The following EP400 variants were observed in gnomAD, a reference collection of about 807,000 sequenced individuals.
EP400 encodes the protein E1A-binding protein p400.
In EP400, 105 loss-of-function variants were observed where a neutral mutation model predicts 354.1. The ratio of observed to expected loss-of-function variants is 0.30; its 90% CI spans 0.25 to 0.35. The LOEUF (loss-of-function observed/expected upper bound fraction) is 0.35, where lower values mean the gene tolerates loss of function less well. Among genes scored for constraint, EP400 ranks in the 10% least tolerant of loss-of-function variants. The pLI is 1.00. For missense variants in EP400, 3,280 were observed against 4,121.0 expected (o/e 0.80, Z 5.59); for synonymous variants, 1,646 against 1,716.9 (o/e 0.96, Z 1.02).
intron 30 of EP400, among the ~76,000 whole-genome samples, chr12:132,035,015 A>G (rs564177381): frequency 6.6e-6 from 1 of 152,314 alleles, no homozygotes; most frequent in East Asian, 1.9e-4. Context: ...TTCTCAGTGC[A>G]AGTAAAGAGT....
chr12:132,065,038 A>G, intron 48 of EP400, 152 bp downstream of exon 48: 1 of 1,354,100 alleles, frequency 7.4e-7, no homozygotes. Context: ...TGGACAGAGG[A>G]CGGGACTCAC....
At position 132,075,705 on chromosome 12, in the gene EP400, T is replaced by C. The variant is rs1012487822; in HGVS notation, c.9022-811T>C. 8 of 152,316 alleles carry C rather than the reference T, an allele frequency of 5.3e-5. No individual in the cohort carries two copies. Among genetic ancestry groups the C allele is most frequent in the African/African-American group, 1.9e-4 (8 of 41,472 alleles). The allele number at this position is 152,316 out of a possible 1,614,324, so 9.4% of individuals were successfully genotyped here. On this transcript the variant is annotated intron_variant, in intron 51 of 52. Coordinates refer to ENST00000389561, the MANE Select transcript of EP400 (RefSeq NM_015409.5). The surrounding 1 kb of genome is among the most constrained non-coding windows in gnomAD (Gnocchi z 4.5). Reference sequence around the variant, plus strand: ...CCTTTGTTCATGTGTGAGTAAATCATGTAATTTCACATATTTCGCAGAATA... The same window carrying C: ...CCTTTGTTCATGTGTGAGTAAATCACGTAATTTCACATATTTCGCAGAATA...
chr12:132,053,107 C>T lies in EP400; in HGVS notation c.7395-39C>T, dbSNP rs910650135. ...TACGTGGTACTTGTCTGTCTTAAAA[C>T]TTGCCTGTATGTTTTTAACCTTTGC... On this transcript the variant is annotated intron_variant, in intron 41 of 52. Transcript: ENST00000389561. 4 of 1,608,508 alleles carry T rather than the reference C, an allele frequency of 2.5e-6. No individual in the cohort carries two copies. In the South Asian group the frequency reaches 3.3e-5, roughly 13 times the overall value.
chr12:131,991,588 T>G, intron 10 of EP400, 132 bp downstream of exon 10: 3 of 894,130 alleles, frequency 3.4e-6, no homozygotes, highest in Non-Finnish European at 5.1e-6. Flanking sequence ...TTTTTTTTTT[T>G]TTTTGTTTTA....
At chr12:132,006,617 G>A (rs1893590908) in intron 14 of EP400, 83 bp from the exon 15 acceptor site, 2 of 1,353,618 alleles carry the variant, frequency 1.5e-6, no homozygotes, top group South Asian at 1.4e-5. Flanking sequence ...GGTTTATCAT[G>A]TGACTGTTGA....
intron 7 of EP400, 126 bp from the exon 8 acceptor site, chr12:131,989,838 G>A: frequency 6.6e-6 from 7 of 1,058,888 alleles, no homozygotes; most frequent in African/African-American, 1.6e-5. Context: ...AAGAGCATAC[G>A]AGGATGTATA....
rs1177651994 is a variant in EP400 at position 132,054,813 on chromosome 12, G to C, written c.7729-161G>C. 1.3e-5 allele frequency among the ~76,000 whole-genome samples: 2 copies of C among 152,090 alleles called. No homozygotes were observed. Among genetic ancestry groups the C allele is most frequent in the East Asian group, 3.9e-4 (2 of 5,188 alleles). On this transcript the variant is annotated intron_variant, in intron 43 of 52. Coordinates refer to ENST00000389561, the MANE Select transcript of EP400 (RefSeq NM_015409.5). This position sits in a 1 kb window ranked among gnomAD's most constrained non-coding sequence, Gnocchi z 4.0. ...GAGGGACAGCAGGTAGACAGAGGGT[G>C]GGGGCACCGCCAGGTGGAATGAGCT...
rs201941549 is a variant in EP400 at position 132,055,174 on chromosome 12, G to T, written c.7850G>T (p.Arg2617Leu). The T allele has an allele frequency of 3.2e-6, 5 of 1,581,846 alleles. No homozygotes were observed. Among genetic ancestry groups the T allele is most frequent in the Admixed American group, 1.8e-5 (1 of 54,154 alleles). Reference protein sequence around the residue: ...PAATFQSINKRLASPVAPGAL... With the variant: ...PAATFQSINKLLASPVAPGAL... ...GCCACCTTCCAGTCCATCAACAAGC[G>T]CCTGGCGTCGCCAGTGGCTCCTGGG... The change falls in exon 45 of 53, where the codon CGC becomes CTC. Residue 2617 changes from arginine (R) to leucine (L), a missense_variant. Transcript: ENST00000389561.
In EP400 at chr12:131,992,217, G is replaced by A; in HGVS notation, c.2724G>A (p.Leu908=). The part of the protein sequence containing the change: ...SGRKRKASIS[L]TDDEVDDEEE... The stretch of plus-strand genomic sequence containing the variant: ...GAAAAAGAAAAGCTAGCATATCTTT[G>A]ACTGATGACGAAGGTCTGTTCCCCC... Residue 908 remains leucine, a synonymous_variant, in exon 11 of 53, where the codon TTG becomes TTA. Coordinates refer to ENST00000389561, the MANE Select transcript of EP400 (RefSeq NM_015409.5). 6.2e-7 allele frequency: 1 copy of A among 1,610,328 alleles called. No individual in the cohort carries two copies.
intron 30 of EP400, among the ~76,000 whole-genome samples, chr12:132,033,368 ACTT>A (rs1048704145): frequency 1.1e-4 from 17 of 152,284 alleles, no homozygotes; most frequent in African/African-American, 2.9e-4. Context: ...TAGTAGATTT[ACTT>A]CTTCTGCTTA....
chr12:131,991,883 C>T (rs566643201), intron 10 of EP400, among the ~76,000 whole-genome samples: 4 of 152,114 alleles, frequency 2.6e-5, no homozygotes, highest in African/African-American at 4.8e-5. Flanking sequence ...TACCGTGCCC[C>T]GCCTATTACT....
chr12:132,015,126 A>G lies in EP400; in HGVS notation c.3923+1213A>G, dbSNP rs561399003. Among the ~76,000 whole-genome samples, 13 of 152,346 alleles carry G rather than the reference A, an allele frequency of 8.5e-5. No individual in the cohort carries two copies. The South Asian group carries it at 2.1e-3, about 24-fold the overall frequency. On this transcript the variant is annotated intron_variant, in intron 19 of 52. Coordinates refer to ENST00000389561, the MANE Select transcript of EP400 (RefSeq NM_015409.5). ...AGAGGCAGGTGCCTGTGAATGCAGC[A>G]TGCTTAATCCTGGTGAGTGGAGATT... is the stretch of plus-strand genomic sequence containing the variant.
intron 2 of EP400, 58 bp downstream of exon 2, chr12:131,962,012 C>G: frequency 2.0e-6 from 3 of 1,515,862 alleles, no homozygotes; most frequent in Non-Finnish European, 2.6e-6. Flanking sequence ...AGAGTCTATG[C>G]GACAATGAAT....
intron 2 of EP400, among the ~76,000 whole-genome samples, chr12:131,962,222 T>G (rs552566058): frequency 6.6e-6 from 1 of 152,188 alleles, no homozygotes; most frequent in African/African-American, 2.4e-5. Flanking sequence ...AGTGTTTTCA[T>G]TGAGCACCAA....
Position 131,956,805 on chromosome 12 carries a change from G to A in EP400, c.-35-3780G>A, listed in dbSNP as rs143163939. ...CTGTATTCCTCTTTTTAGTAGCAAG[G>A]TTGGTCATTTTCCTCTAAGCTGGTT... On this transcript the variant is annotated intron_variant, in intron 1 of 52. Transcript: ENST00000389561. 1.0e-3 allele frequency among the ~76,000 whole-genome samples: 152 copies of A among 151,000 alleles called. No homozygotes were observed. In the Middle Eastern group the frequency reaches 0.048, roughly 48 times the overall value.
In EP400 at chr12:132,038,732, G is replaced by A. The variant is rs1230450744; in HGVS notation, c.6207+636G>A. Among the ~76,000 whole-genome samples the A allele has an allele frequency of 1.3e-5, 2 of 152,174 alleles. No individual in the cohort carries two copies. Among genetic ancestry groups the A allele is most frequent in the Admixed American group, 6.5e-5 (1 of 15,282 alleles). On this transcript the variant is annotated intron_variant, in intron 32 of 52. Transcript: ENST00000389561. The surrounding 1 kb of genome is among the most constrained non-coding windows in gnomAD (Gnocchi z 4.2). ...TGCTGTGTAGACATGTCACAGACCC[G>A]TCACGGGGCCGCTGTTCCCTCCCTG... is the stretch of plus-strand genomic sequence containing the variant.
chr12:132,018,416 A>G lies in EP400; in HGVS notation c.4277+40A>G, dbSNP rs1240064336. ...GAGGCAGCGGGGAGGGTTGGCTCCC[A>G]GGGCCCCCACAGCTGACCCAGGTCT... On this transcript the variant is annotated intron_variant, in intron 21 of 52. Transcript: ENST00000389561. This position sits in a 1 kb window ranked among gnomAD's most constrained non-coding sequence, Gnocchi z 4.0. The G allele has an allele frequency of 6.4e-7, 1 of 1,565,412 alleles. No individual in the cohort carries two copies. The highest frequency in any genetic ancestry group is 1.4e-5 in the African/African-American group (1 of 72,382).
Position 132,044,616 on chromosome 12 carries a change from T to C in EP400, c.6586-55T>C. ...AGTATGAAGGTACATGATTTGTGGCTTATAACATGACACTGAGACTTGGTG... is the reference window on the plus strand; with the variant it reads ...AGTATGAAGGTACATGATTTGTGGCCTATAACATGACACTGAGACTTGGTG... On this transcript the variant is annotated intron_variant, in intron 35 of 52. Transcript: ENST00000389561. The C allele has an allele frequency of 6.2e-6, 10 of 1,607,228 alleles. No homozygotes were observed. In the South Asian group the frequency reaches 1.1e-4, roughly 18 times the overall value.
At chr12:131,952,977 C>T (rs1019724693) in intron 1 of EP400, among the ~76,000 whole-genome samples, 23 of 152,274 alleles carry the variant, frequency 1.5e-4, no homozygotes, top group African/African-American at 5.5e-4. Context: ...CAGCTCCCCA[C>T]AGCTACCAAA....
Sources: allele counts gnomAD v4.1 joint callset (sites outside exome capture counted in the v4.1 genomes callset), GRCh38; gene constraint gnomAD v4.1.1; non-coding constraint Gnocchi (gnomAD v3.1); transcripts MANE v1.5; gene names NCBI Gene and HGNC (gene_info 2026-07-23, HGNC 2026-07-21).